Variants in LTB observed in about 807,000 individuals in gnomAD.
LTB encodes lymphotoxin-beta.
A neutral mutation model predicts 14.7 loss-of-function variants in LTB; 17 were observed. The ratio of observed to expected loss-of-function variants is 1.16; its 90% CI spans 0.79 to 1.73. The LOEUF (loss-of-function observed/expected upper bound fraction) is 1.73, where lower values mean the gene tolerates loss of function less well. LTB is among the 40% of genes most tolerant of loss of function. LTB has a pLI of 0.00. For missense variants in LTB, 288 were observed against 324.3 expected, an observed-to-expected ratio of 0.89 and a Z score of 0.86; for synonymous variants, 163 against 157.3, an observed-to-expected ratio of 1.04 and a Z score of -0.27.
At chr6:31,582,010 A>G (rs560780179) in intron 1 of LTB, 151 bp from the exon 2 acceptor site, 24 of 859,480 alleles carry the variant, frequency 2.8e-5, no homozygotes, top group Non-Finnish European at 3.8e-5. Flanking sequence ...CAAGCAAGGC[A>G]TAGGTACTTG....
intron 1 of LTB, 46 bp downstream of exon 1, chr6:31,582,210 A>T (rs752118549): frequency 1.2e-6 from 2 of 1,603,056 alleles, no homozygotes; most frequent in Non-Finnish European, 8.5e-7. Context: ...GGAGCCAAGC[A>T]TCCGCAAGAT....
intron 1 of LTB, 126 bp from the exon 2 acceptor site, chr6:31,581,985 C>T: frequency 1.0e-6 from 1 of 987,876 alleles, no homozygotes; most frequent in East Asian, 2.4e-5. Flanking sequence ...ACACACACCT[C>T]CTTAGAAGGG....
At position 31,580,625 on chromosome 6, in the gene LTB, C is replaced by T; in HGVS notation, c.*84G>A. 8.1e-7 allele frequency: 1 copy of T among 1,227,450 alleles called. No homozygotes were observed. Among genetic ancestry groups the T allele is most frequent in the Admixed American group, 2.2e-5 (1 of 45,164 alleles). The allele number at this position is 1,227,450 out of a possible 1,614,324, so 76.0% of individuals were successfully genotyped here. ...GGTTCAAAATCAATTTCCAAACAGT[C>T]TCCTACATTTTTCCCACTGCCATGG... On this transcript the variant is annotated 3_prime_UTR_variant, in exon 4 of 4. Transcript: ENST00000429299. This position sits in a 1 kb window ranked among gnomAD's most constrained non-coding sequence, Gnocchi z 6.6.
Position 31,580,921 on chromosome 6 carries a change from G to C in LTB, c.523C>G (p.Pro175Ala). 1 of 1,587,080 alleles carries C rather than the reference G, an allele frequency of 6.3e-7. No homozygotes were observed. Among genetic ancestry groups the C allele is most frequent in the Non-Finnish European group, 8.6e-7 (1 of 1,167,704 alleles). ...RAGGAYGPGT[P>A]ELLLEGAETV... ...TCGGCGCCCTCGAGCAGCAGCTCGG[G>C]AGTGCCCGGCCCGTAGGCGCCCCCC... The change falls in exon 4 of 4, where the codon CCC (proline) becomes GCC (alanine). Residue 175 changes from proline (P) to alanine (A), a missense_variant. By Grantham distance (27) the Pro-to-Ala change is conservative. Coordinates refer to ENST00000429299, the MANE Select transcript of LTB (RefSeq NM_002341.2). The surrounding 1 kb of genome is among the most constrained non-coding windows in gnomAD (Gnocchi z 6.6).
chr6:31,581,641 C>T lies in LTB; in HGVS notation c.209-11G>A. 1 of 1,612,724 alleles carries T rather than the reference C, an allele frequency of 6.2e-7. No homozygotes were observed. The highest frequency in any genetic ancestry group is 8.5e-7 in the Non-Finnish European group (1 of 1,179,786). ...GCAGCTTCTGAAACCCTGGAAGGGG[C>T]AAAGAGTCCACGATTGGGGGCAGGG... On this transcript the variant is annotated splice_polypyrimidine_tract_variant and intron_variant, in intron 2 of 3. Transcript: ENST00000429299.
intron 2 of LTB, 47 bp from the exon 3 acceptor site, chr6:31,581,677 T>G (rs761793331): frequency 2.5e-6 from 4 of 1,595,430 alleles, no homozygotes; most frequent in Non-Finnish European, 2.6e-6. Context: ...CAGCCACCCA[T>G]GCAGGCTACC....
chr6:31,582,004 C>G (rs140984421), intron 1 of LTB, 145 bp from the exon 2 acceptor site: 11 of 884,908 alleles, frequency 1.2e-5, no homozygotes, highest in East Asian at 7.5e-5. Context: ...GGAGAACAAG[C>G]AAGGCATAGG....
chr6:31,581,595 C>T lies in LTB; in HGVS notation c.244G>A (p.Asp82Asn), dbSNP rs768498333. Reference protein sequence around the residue: ...QKLPEEEPETDLSPGLPAAHL... With the variant: ...QKLPEEEPETNLSPGLPAAHL... ...GCAGCTGGGAGCCCGGGGCTGAGAT[C>T]TGTTTCTGGCTCCTCCTCTGGCAGC... Residue 82 changes from aspartate to asparagine, a missense_variant, in exon 3 of 4, where the codon GAT becomes AAT. By Grantham distance (23) the Asp-to-Asn change is conservative (BLOSUM62 1). Around this residue, in one of 2 missense-constraint regions of LTB, gnomAD observed 284 missense variants for 299.2 expected, o/e 0.95. Coordinates refer to ENST00000429299, the MANE Select transcript of LTB (RefSeq NM_002341.2). 1 of 1,612,954 alleles carries T rather than the reference C, an allele frequency of 6.2e-7. No homozygotes were observed. The highest frequency in any genetic ancestry group is 8.5e-7 in the Non-Finnish European group (1 of 1,179,986).
chr6:31,581,927 T>A (rs1771561456), intron 1 of LTB, 68 bp from the exon 2 acceptor site: 1 of 1,480,892 alleles, frequency 6.8e-7, no homozygotes, highest in Non-Finnish European at 9.1e-7. Flanking sequence ...CCTCTGAAAG[T>A]GGACCCAAGC....
chr6:31,581,994 G>C, intron 1 of LTB, 135 bp from the exon 2 acceptor site: 3 of 942,004 alleles, frequency 3.2e-6, no homozygotes, highest in African/African-American at 1.6e-5. Context: ...TCCTTAGAAG[G>C]GAGAACAAGC....
Position 31,580,697 on chromosome 6 carries a change from A to C in LTB, c.*12T>G, listed in dbSNP as rs377440823. On this transcript the variant is annotated 3_prime_UTR_variant, in exon 4 of 4. Transcript: ENST00000429299. The surrounding 1 kb of genome is among the most constrained non-coding windows in gnomAD (Gnocchi z 6.6). ...CAATATTCACGCACTCGCACCACGC[A>C]CTCATATTCCCTCACCCCACCATCA... 7 of 1,581,322 alleles carry C rather than the reference A, an allele frequency of 4.4e-6. No homozygotes were observed. In the African/African-American group the frequency reaches 8.1e-5, roughly 18 times the overall value.
intron 3 of LTB, 80 bp downstream of exon 3, chr6:31,581,479 T>C (rs1054286034): frequency 1.5e-6 from 2 of 1,355,548 alleles, no homozygotes; most frequent in Admixed American, 1.7e-5. Flanking sequence ...ACTGGAATCA[T>C]GGAGCCGAAG....
intron 2 of LTB, 57 bp from the exon 3 acceptor site, chr6:31,581,687 C>G (rs879136053): frequency 2.5e-6 from 4 of 1,600,810 alleles, no homozygotes; most frequent in Admixed American, 1.7e-5. Context: ...TGCAGGCTAC[C>G]CTTGAGAGAA....
chr6:31,582,134 A>T, intron 1 of LTB, 122 bp downstream of exon 1: 1 of 1,158,832 alleles, frequency 8.6e-7, no homozygotes, highest in Non-Finnish European at 1.3e-6. Flanking sequence ...GAGACAAGAC[A>T]TCCCCACCAG....
Position 31,580,642 on chromosome 6 carries a change from C to T in LTB, c.*67G>A. The T allele has an allele frequency of 7.1e-7, 1 of 1,406,800 alleles. No individual in the cohort carries two copies. Among genetic ancestry groups the T allele is most frequent in the Non-Finnish European group, 9.7e-7 (1 of 1,029,266 alleles). 87.1% of individuals were successfully genotyped at this position (1,406,800 alleles called of 1,614,324 possible). On this transcript the variant is annotated 3_prime_UTR_variant, in exon 4 of 4. Coordinates refer to ENST00000429299, the MANE Select transcript of LTB (RefSeq NM_002341.2). This position sits in a 1 kb window ranked among gnomAD's most constrained non-coding sequence, Gnocchi z 6.6. ...CAAACAGTCTCCTACATTTTTCCCA[C>T]TGCCATGGGGTCCTGGGCGTCCGGG...
chr6:31,581,913 T>A (rs4647182), intron 1 of LTB, 54 bp from the exon 2 acceptor site: 2 of 1,517,916 alleles, frequency 1.3e-6, no homozygotes, highest in Non-Finnish European at 8.9e-7. Context: ...ATGTCACCCC[T>A]ACCCCTCTGA....
intron 3 of LTB, among the ~76,000 whole-genome samples, 156 bp from the exon 4 acceptor site, chr6:31,581,319 G>A (rs2150393986): frequency 6.6e-6 from 1 of 152,348 alleles, no homozygotes; most frequent in East Asian, 1.9e-4. Flanking sequence ...GGGGGCCGAG[G>A]GAACACGGAT....
chr6:31,581,839 G>T lies in LTB; in HGVS notation c.183C>A (p.Pro61=). ...CCAGTCCTTGCTGGGCCTGTGCCCC[G>T]GGGTCGGCCGTCTCCGTTACCTGGT... The part of the protein sequence containing the change: ...QGGLVTETAD[P]GAQAQQGLGF... The change falls in exon 2 of 4, where the codon CCC becomes CCA. Residue 61 remains proline (P), a synonymous_variant. Transcript: ENST00000429299. The T allele has an allele frequency of 1.9e-6, 3 of 1,599,334 alleles. No homozygotes were observed. The highest frequency in any genetic ancestry group is 1.7e-6 in the Non-Finnish European group (2 of 1,174,414).
At chr6:31,581,953 T>G (rs558947212) in intron 1 of LTB, 94 bp from the exon 2 acceptor site, 1 of 1,286,044 alleles carries the variant, frequency 7.8e-7, no homozygotes. Flanking sequence ...GCCTGGGGTT[T>G]CTCCTACCAG....
Sources: allele counts gnomAD v4.1 joint callset (sites outside exome capture counted in the v4.1 genomes callset), GRCh38; gene constraint gnomAD v4.1.1; regional missense constraint gnomAD v4.1.1; non-coding constraint Gnocchi (gnomAD v3.1); transcripts MANE v1.5; gene names NCBI Gene and HGNC (gene_info 2026-07-23, HGNC 2026-07-21).